GRIN2B: variants seen among roughly 807,000 people sequenced by gnomAD.
The protein encoded by GRIN2B is glutamate ionotropic receptor NMDA type subunit 2B.
GRIN2B carries 5 observed loss-of-function variants against 114.5 expected under a neutral mutation model. The observed-to-expected ratio is 0.04, with a 90% CI of 0.02 to 0.09. The LOEUF (loss-of-function observed/expected upper bound fraction) is 0.09. GRIN2B is among the 10% of genes least tolerant of loss of function. GRIN2B has a pLI of 1.00. For missense variants in GRIN2B, 1,108 were observed against 1,943.5 expected, an observed-to-expected ratio of 0.57 and a Z score of 8.08; for synonymous variants, 787 against 745.1, an observed-to-expected ratio of 1.06 and a Z score of -0.92.
chr12:13,814,298 AG>A (rs1241858788), intron 3 of GRIN2B, among the ~76,000 whole-genome samples: 2 of 152,248 alleles, frequency 1.3e-5, no homozygotes, highest in Admixed American at 6.5e-5. Flanking sequence ...GAGAGCGAAG[AG>A]CCAAGCCAGA....
intron 10 of GRIN2B, among the ~76,000 whole-genome samples, chr12:13,607,450 TAAATATATAAA>T: frequency 1.1e-5 from 1 of 88,156 alleles, no homozygotes; most frequent in East Asian, 2.9e-4. Context: ...TTATATATAA[TAAATATATAAA>T]ATATATATAA....
At chr12:13,567,523 T>C (rs1195218343) in intron 12 of GRIN2B, among the ~76,000 whole-genome samples, 1 of 152,208 alleles carries the variant, frequency 6.6e-6, no homozygotes, top group Non-Finnish European at 1.5e-5. Flanking sequence ...CATGAGACGT[T>C]GCTCCCGCTC....
chr12:13,915,215 T>C (rs1206526226), intron 2 of GRIN2B, among the ~76,000 whole-genome samples: 1 of 152,210 alleles, frequency 6.6e-6, no homozygotes, highest in African/African-American at 2.4e-5. Flanking sequence ...CAGGCCATTA[T>C]CTTATCTTAG....
chr12:13,810,618 G>A (rs1332973542), intron 3 of GRIN2B, among the ~76,000 whole-genome samples: 1 of 152,084 alleles, frequency 6.6e-6, no homozygotes, highest in African/African-American at 2.4e-5. Flanking sequence ...CCTGAGAAAT[G>A]GAATAATCCC....
intron 4 of GRIN2B, among the ~76,000 whole-genome samples, chr12:13,725,406 A>G (rs1862965194): frequency 6.6e-6 from 1 of 152,012 alleles, no homozygotes; most frequent in Non-Finnish European, 1.5e-5. Flanking sequence ...ATTTTATTTT[A>G]TTTCAGCATC....
rs916261098 is a variant in GRIN2B at position 13,557,556 on chromosome 12, T to C, written c.*5227A>G. Reference sequence around the variant, plus strand: ...CTTCTATTTTCTATGGAAAGAATCATAGTTCTCAACCTGCCCTACAAGATA... The same window carrying C: ...CTTCTATTTTCTATGGAAAGAATCACAGTTCTCAACCTGCCCTACAAGATA... On this transcript the variant is annotated 3_prime_UTR_variant, in exon 14 of 14. Transcript: ENST00000609686. 1 of 152,228 alleles carries C rather than the reference T, an allele frequency of 6.6e-6. No individual in the cohort carries two copies. Among genetic ancestry groups the C allele is most frequent in the Non-Finnish European group, 1.5e-5 (1 of 68,038 alleles). 9.4% of individuals were successfully genotyped at this position (152,228 alleles called of 1,614,324 possible).
At chr12:13,619,185 A>G (rs1949485668) in intron 5 of GRIN2B, among the ~76,000 whole-genome samples, 1 of 152,194 alleles carries the variant, frequency 6.6e-6, no homozygotes, top group Admixed American at 6.5e-5. Context: ...TTTGGAGGAG[A>G]TATGAATTAG....
intron 3 of GRIN2B, among the ~76,000 whole-genome samples, chr12:13,797,056 C>T (rs1591736974): frequency 1.3e-5 from 2 of 152,250 alleles, no homozygotes; most frequent in East Asian, 3.9e-4. Context: ...TGTTTTAGTC[C>T]ATTCAAGCTG....
rs1207516011 is a variant in GRIN2B, at chr12:13,548,461, A to T, written c.*14322T>A. 2 of 118,484 alleles carry T rather than the reference A, an allele frequency of 1.7e-5. No homozygotes were observed. The highest frequency in any genetic ancestry group is 3.6e-5 in the Non-Finnish European group (2 of 55,112). 7.3% of individuals were successfully genotyped at this position (118,484 alleles called of 1,614,324 possible). ...CATTCATGCCCTCAGAGTCCCCAAG[A>T]ATCCTGCTATTTTCCCACCTCCCCC... On this transcript the variant is annotated 3_prime_UTR_variant, in exon 14 of 14. Coordinates refer to ENST00000609686, the MANE Select transcript of GRIN2B (RefSeq NM_000834.5).
chr12:13,899,833 G>A (rs995990849), intron 2 of GRIN2B, among the ~76,000 whole-genome samples: 2 of 106,198 alleles, frequency 1.9e-5, no homozygotes, highest in Non-Finnish European at 2.7e-5. Context: ...GACAGTATAT[G>A]TACAAATTTT....
At chr12:13,949,255 G>T (rs1214534684) in intron 2 of GRIN2B, among the ~76,000 whole-genome samples, 1 of 152,196 alleles carries the variant, frequency 6.6e-6, no homozygotes, top group Non-Finnish European at 1.5e-5. Context: ...CCTCAGCTAG[G>T]TAAGAGAGTT....
intron 10 of GRIN2B, among the ~76,000 whole-genome samples, chr12:13,573,692 A>G (rs1286787044): frequency 6.6e-6 from 1 of 152,230 alleles, no homozygotes; most frequent in African/African-American, 2.4e-5. Context: ...TTGGAGAAAC[A>G]TTTGAAAATC....
At chr12:13,687,534 C>A (rs1431729808) in intron 4 of GRIN2B, among the ~76,000 whole-genome samples, 2 of 152,144 alleles carry the variant, frequency 1.3e-5, no homozygotes, top group Non-Finnish European at 2.9e-5. Flanking sequence ...TAGGTTCCAC[C>A]AATTCCCTGA....
rs1225505219 is a variant in GRIN2B, at chr12:13,563,248, G to A, written c.3990C>T (p.Phe1330=). 3 of 1,614,246 alleles carry A rather than the reference G, an allele frequency of 1.9e-6. No homozygotes were observed. The highest frequency in any genetic ancestry group is 1.3e-5 in the African/African-American group (1 of 75,064). ...RSVSLKDKGR[F]MDGSPYAHMF... ...TGTGGGCGTAGGGGCTCCCATCCATGAATCGGCCCTTGTCTTTCAGGCTTA... is the reference window on the plus strand; with the variant it reads ...TGTGGGCGTAGGGGCTCCCATCCATAAATCGGCCCTTGTCTTTCAGGCTTA... Residue 1330 remains phenylalanine (F), a synonymous_variant, in exon 14 of 14, where the codon TTC becomes TTT. Transcript: ENST00000609686.
chr12:13,684,570 G>A (rs931142173), intron 4 of GRIN2B, among the ~76,000 whole-genome samples: 1 of 152,174 alleles, frequency 6.6e-6, no homozygotes, highest in African/African-American at 2.4e-5. Flanking sequence ...GACAATGCTA[G>A]AAAGGTAGAA....
chr12:13,655,405 A>G (rs542221120), intron 5 of GRIN2B, among the ~76,000 whole-genome samples: 9 of 152,344 alleles, frequency 5.9e-5, no homozygotes, highest in African/African-American at 1.9e-4. Context: ...GCAAACATCA[A>G]GTATGAGGCT....
intron 10 of GRIN2B, among the ~76,000 whole-genome samples, chr12:13,573,877 G>A (rs10492128): frequency 0.032 from 4,947 of 152,256 alleles, 271 homozygotes; most frequent in African/African-American, 0.11. Context: ...GAGTCATGCC[G>A]TGGTGTTAGG....
At chr12:13,713,263 A>G (rs1287015814) in intron 4 of GRIN2B, among the ~76,000 whole-genome samples, 6 of 151,836 alleles carry the variant, frequency 4.0e-5, no homozygotes, top group Non-Finnish European at 8.8e-5. Flanking sequence ...TTATGCTCCT[A>G]GCAGACATAA....
At chr12:13,751,550 C>T (rs1863484196) in intron 4 of GRIN2B, among the ~76,000 whole-genome samples, 1 of 152,004 alleles carries the variant, frequency 6.6e-6, no homozygotes, top group East Asian at 1.9e-4. Flanking sequence ...GATGTGGAAC[C>T]AAGGGCATCT....
Sources: gnomAD v4.1 joint callset for allele counts (sites outside exome capture counted in the v4.1 genomes callset) on GRCh38, gnomAD v4.1.1 for gene constraint, MANE v1.5 for transcripts, NCBI Gene and HGNC (gene_info 2026-07-23, HGNC 2026-07-21) for gene names.